ERC2: variants seen among roughly 807,000 people sequenced by gnomAD.
ERC2 encodes ERC protein 2.
Under a neutral mutation model 114.8 loss-of-function variants are expected in ERC2, and 42 were observed. The ratio of observed to expected loss-of-function variants is 0.37; its 90% CI spans 0.29 to 0.47. The LOEUF (loss-of-function observed/expected upper bound fraction) is 0.47, where lower values mean the gene tolerates loss of function less well. Among genes scored for constraint, ERC2 ranks in the 20% least tolerant of loss-of-function variants. The probability of loss-of-function intolerance (pLI) is 0.99; values close to 1 mark genes in which losing one functional copy is unlikely to be tolerated. For synonymous variants in ERC2, 454 were observed against 425.5 expected (o/e 1.07, Z -0.82); for missense variants, 939 against 1,150.7 (o/e 0.82, Z 2.66).
chr3:55,834,080 C>A (rs1381440530), intron 14 of ERC2, among the ~76,000 whole-genome samples: 1 of 151,724 alleles, frequency 6.6e-6, no homozygotes, highest in Non-Finnish European at 1.5e-5. Flanking sequence ...TATATATGCA[C>A]CCAATACAGG....
intron 14 of ERC2, among the ~76,000 whole-genome samples, chr3:55,832,625 G>C (rs2060657005): frequency 6.6e-6 from 1 of 152,140 alleles, no homozygotes; most frequent in South Asian, 2.1e-4. Context: ...CATCATCAAA[G>C]ACCAAAAATA....
At chr3:56,000,738 T>C (rs1396555905) in intron 10 of ERC2, among the ~76,000 whole-genome samples, 5 of 151,998 alleles carry the variant, frequency 3.3e-5, no homozygotes, top group Non-Finnish European at 7.4e-5. Context: ...GTAGGAACTA[T>C]TGGGATCTTT....
chr3:55,603,348 C>T (rs572315749), intron 17 of ERC2, among the ~76,000 whole-genome samples: 62 of 152,240 alleles, frequency 4.1e-4, no homozygotes, highest in African/African-American at 1.3e-3. Context: ...TTTAAGAAGC[C>T]GCAGCCGGGT....
chr3:55,861,922 C>T (rs1302290375), intron 14 of ERC2, among the ~76,000 whole-genome samples: 1 of 152,230 alleles, frequency 6.6e-6, no homozygotes, highest in Non-Finnish European at 1.5e-5. Context: ...GAGCCCTGTA[C>T]TGTGTTTTAT....
intron 14 of ERC2, among the ~76,000 whole-genome samples, chr3:55,798,448 A>T (rs1426729359): frequency 2.0e-5 from 3 of 152,074 alleles, no homozygotes; most frequent in African/African-American, 7.2e-5. Flanking sequence ...AATACAAAAA[A>T]TTAGCCAGGC....
intron 4 of ERC2, among the ~76,000 whole-genome samples, chr3:56,158,865 T>A (rs1458911916): frequency 6.6e-6 from 1 of 152,066 alleles, no homozygotes. Context: ...AAGCACATTA[T>A]TGAAAACATG....
At chr3:55,748,697 A>T (rs948997143) in intron 14 of ERC2, among the ~76,000 whole-genome samples, 3 of 152,234 alleles carry the variant, frequency 2.0e-5, no homozygotes, top group Admixed American at 6.5e-5. Context: ...AAATACTAGG[A>T]TAATCAATTC....
chr3:55,768,188 T>C (rs1227826085), intron 14 of ERC2, among the ~76,000 whole-genome samples: 1 of 152,248 alleles, frequency 6.6e-6, no homozygotes, highest in Admixed American at 6.5e-5. Context: ...ACCTCTTTTC[T>C]GTATAAATTA....
At chr3:56,234,559 T>C (rs530216678) in intron 3 of ERC2, among the ~76,000 whole-genome samples, 2 of 152,370 alleles carry the variant, frequency 1.3e-5, no homozygotes, top group African/African-American at 4.8e-5. Flanking sequence ...GACATTCAGA[T>C]GGTTAATGGG....
chr3:55,853,160 G>A (rs549095316), intron 14 of ERC2, among the ~76,000 whole-genome samples: 2 of 152,270 alleles, frequency 1.3e-5, no homozygotes, highest in Admixed American at 6.5e-5. Flanking sequence ...ACCCTCGACC[G>A]TCCAACCATG....
chr3:56,172,726 A>G (rs1268083347), intron 4 of ERC2, among the ~76,000 whole-genome samples: 1 of 152,242 alleles, frequency 6.6e-6, no homozygotes, highest in African/African-American at 2.4e-5. Flanking sequence ...AAAACTGTAA[A>G]TAAAAAGATT....
At chr3:55,642,951 A>C (rs896794379) in intron 17 of ERC2, among the ~76,000 whole-genome samples, 3 of 152,170 alleles carry the variant, frequency 2.0e-5, no homozygotes, top group African/African-American at 7.2e-5. Context: ...TCATTATGAA[A>C]TCTTGTTACC....
intron 2 of ERC2, among the ~76,000 whole-genome samples, chr3:56,399,151 T>C (rs902021276): frequency 6.6e-6 from 1 of 152,266 alleles, no homozygotes; most frequent in South Asian, 2.1e-4. Flanking sequence ...ATATGCTTAA[T>C]GAATTGAATT....
At chr3:55,625,905 T>A (rs890123909) in intron 17 of ERC2, among the ~76,000 whole-genome samples, 1 of 152,234 alleles carries the variant, frequency 6.6e-6, no homozygotes. Context: ...TCAAGGGGAC[T>A]GAAAGGCATG....
chr3:56,101,384 C>G (rs940836786), intron 6 of ERC2, among the ~76,000 whole-genome samples: 1 of 114,164 alleles, frequency 8.8e-6, no homozygotes, highest in African/African-American at 3.6e-5. Flanking sequence ...CACATACGTG[C>G]TTCACCTGTT....
intron 12 of ERC2, among the ~76,000 whole-genome samples, chr3:55,970,331 T>C (rs1322406152): frequency 1.3e-5 from 2 of 151,954 alleles, no homozygotes; most frequent in Non-Finnish European, 2.9e-5. Flanking sequence ...TTAAACAGGA[T>C]TTTAAAAGGA....
intron 1 of ERC2, among the ~76,000 whole-genome samples, chr3:56,462,964 C>T (rs1300588867): frequency 6.6e-6 from 1 of 152,192 alleles, no homozygotes; most frequent in African/African-American, 2.4e-5. Context: ...TGGTGGCTCA[C>T]ACCTCTAATC....
At chr3:56,383,282 C>G (rs375334232) in intron 2 of ERC2, among the ~76,000 whole-genome samples, 1 of 152,166 alleles carries the variant, frequency 6.6e-6, no homozygotes, top group African/African-American at 2.4e-5. Flanking sequence ...AAACCCCCCA[C>G]TGGAATTTCA....
chr3:56,218,800 G>A (rs13069942), intron 3 of ERC2, among the ~76,000 whole-genome samples: 1 of 151,844 alleles, frequency 6.6e-6, no homozygotes, highest in Non-Finnish European at 1.5e-5. Flanking sequence ...CATGGAATAC[G>A]ATGCAGCCAT....
Sources: gnomAD v4.1 joint callset for allele counts (sites outside exome capture counted in the v4.1 genomes callset) on GRCh38, gnomAD v4.1.1 for gene constraint, MANE v1.5 for transcripts, NCBI Gene and HGNC (gene_info 2026-07-23, HGNC 2026-07-21) for gene names.